GNAL: variants seen among roughly 807,000 people sequenced by gnomAD.
The protein encoded by GNAL is G protein subunit alpha L.
GNAL carries 18 observed loss-of-function variants against 55.1 expected under a neutral mutation model. The ratio of observed to expected loss-of-function variants is 0.33; its 90% CI spans 0.23 to 0.48. The LOEUF (loss-of-function observed/expected upper bound fraction) is 0.48. GNAL is among the 20% of genes least tolerant of loss of function. The pLI, the probability that GNAL is intolerant of heterozygous loss-of-function variation, is 0.99. For missense variants in GNAL, 412 were observed against 614.1 expected (o/e 0.67, Z 3.48); for synonymous variants, 253 against 237.0 (o/e 1.07, Z -0.62).
chr18:11,840,704 G>T (rs1320041831), intron 5 of GNAL, among the ~76,000 whole-genome samples: 1 of 152,142 alleles, frequency 6.6e-6, no homozygotes, highest in African/African-American at 2.4e-5. Flanking sequence ...AGACCTGGTG[G>T]ACGTATTCGG....
chr18:11,725,159 T>C (rs1474073635), intron 1 of GNAL, among the ~76,000 whole-genome samples: 1 of 152,136 alleles, frequency 6.6e-6, no homozygotes, highest in Non-Finnish European at 1.5e-5. Context: ...CAAAATCATA[T>C]ATTGAAGTCC....
intron 2 of GNAL, chr18:11,753,415 G>A (rs2032928942): frequency 3.9e-6 from 2 of 510,424 alleles, no homozygotes; most frequent in African/African-American, 3.9e-5. Context: ...TTAAAAAAAT[G>A]TGTGCATTCA....
At chr18:11,830,502 C>G (rs1362388385) in intron 5 of GNAL, among the ~76,000 whole-genome samples, 1 of 152,050 alleles carries the variant, frequency 6.6e-6, no homozygotes, top group Admixed American at 6.5e-5. Context: ...TCATGGGAGT[C>G]TTTTGGGCTT....
At chr18:11,749,862 G>A (rs60590666) in intron 1 of GNAL, among the ~76,000 whole-genome samples, 9,268 of 152,252 alleles carry the variant, frequency 0.061, 408 homozygotes, top group African/African-American at 0.12. Context: ...TTCAGGAACT[G>A]AGAGTGTTAG....
intron 11 of GNAL, among the ~76,000 whole-genome samples, chr18:11,880,532 A>C (rs1162016774): frequency 3.3e-5 from 5 of 152,284 alleles, no homozygotes; most frequent in Admixed American, 3.3e-4. Context: ...CCAAGACTGC[A>C]CCACTGCACT....
At chr18:11,817,005 T>C (rs2034975041) in intron 4 of GNAL, among the ~76,000 whole-genome samples, 1 of 152,092 alleles carries the variant, frequency 6.6e-6, no homozygotes, top group African/African-American at 2.4e-5. Flanking sequence ...GTGGCACGGC[T>C]TGGCTCCAAA....
Position 11,689,949 on chromosome 18 carries a change from G to C in GNAL, c.376+10G>C. 9 of 1,285,072 alleles carry C rather than the reference G, an allele frequency of 7.0e-6. No individual in the cohort carries two copies. Among genetic ancestry groups the C allele is most frequent in the Non-Finnish European group, 8.9e-6 (9 of 1,012,304 alleles). 79.6% of individuals were successfully genotyped at this position (1,285,072 alleles called of 1,614,324 possible). On this transcript the variant is annotated intron_variant, in intron 1 of 11. Coordinates refer to ENST00000334049, the MANE Select transcript of GNAL (RefSeq NM_182978.4). Reference sequence around the variant, plus strand: ...CGGCTCCTGCTGCTCGGTAGGTCCCGGCCGCGAGGTCGGCTGACGCCCCGG... The same window carrying C: ...CGGCTCCTGCTGCTCGGTAGGTCCCCGCCGCGAGGTCGGCTGACGCCCCGG...
intron 1 of GNAL, among the ~76,000 whole-genome samples, chr18:11,735,541 A>G (rs2032441747): frequency 6.6e-6 from 1 of 151,994 alleles, no homozygotes; most frequent in Admixed American, 6.6e-5. Context: ...ACTTGAGCCC[A>G]GGAGTTCGAG....
Position 11,827,778 on chromosome 18 carries a change from T to C in GNAL, c.722+2763T>C, listed in dbSNP as rs540020681. The stretch of plus-strand genomic sequence containing the variant: ...CGAGGTCAGGAGATCGAGACCATCC[T>C]GGCTAACACAGTGAAACCCCGTCTC... On this transcript the variant is annotated intron_variant, in intron 5 of 11. Coordinates refer to ENST00000334049, the MANE Select transcript of GNAL (RefSeq NM_182978.4). 1.1e-3 allele frequency among the ~76,000 whole-genome samples: 169 copies of C among 152,180 alleles called. 2 individuals are homozygous for C. Among genetic ancestry groups the C allele is most frequent in the Non-Finnish European group, 2.0e-3 (139 of 68,002 alleles).
chr18:11,883,544 T>A lies in GNAL; in HGVS notation c.*2409T>A, dbSNP rs1489227685. ...GCCATATCCCATTCCACTTTTTAAGTTTCTTTTGATCACTGACAGGCATTA... is the reference window on the plus strand; with the variant it reads ...GCCATATCCCATTCCACTTTTTAAGATTCTTTTGATCACTGACAGGCATTA... On this transcript the variant is annotated 3_prime_UTR_variant, in exon 12 of 12. Coordinates refer to ENST00000334049, the MANE Select transcript of GNAL (RefSeq NM_182978.4). 1 of 153,668 alleles carries A rather than the reference T, an allele frequency of 6.5e-6. No individual in the cohort carries two copies. Among genetic ancestry groups the A allele is most frequent in the Admixed American group, 6.5e-5 (1 of 15,286 alleles). 9.5% of individuals were successfully genotyped at this position (153,668 alleles called of 1,614,324 possible). A position where few individuals can be genotyped will look rare whatever the true frequency, so the allele number is the denominator to read the frequency against.
chr18:11,872,847 G>C (rs1904995878), intron 10 of GNAL, among the ~76,000 whole-genome samples: 1 of 152,232 alleles, frequency 6.6e-6, no homozygotes, highest in Non-Finnish European at 1.5e-5. Context: ...CACACGGGTA[G>C]AGTCATGCAG....
At chr18:11,746,244 A>G in intron 1 of GNAL, 1 of 473,010 alleles carries the variant, frequency 2.1e-6, no homozygotes, top group Non-Finnish European at 4.2e-6. Context: ...AACAATGTGG[A>G]GAAGCTCTTC....
At chr18:11,788,912 A>ATATATATATATAT (rs1485147640) in intron 4 of GNAL, among the ~76,000 whole-genome samples, 3 of 68,746 alleles carry the variant, frequency 4.4e-5, no homozygotes, top group Non-Finnish European at 7.6e-5. Flanking sequence ...AAAAAAAAAA[A>ATATATATATATAT]AAATATATAT....
At chr18:11,736,292 G>A (rs1227798647) in intron 1 of GNAL, among the ~76,000 whole-genome samples, 1 of 152,128 alleles carries the variant, frequency 6.6e-6, no homozygotes, top group Non-Finnish European at 1.5e-5. Context: ...CTACTCAGGA[G>A]GCCAAGGCGG....
intron 4 of GNAL, among the ~76,000 whole-genome samples, chr18:11,778,675 G>A (rs1184041464): frequency 6.6e-6 from 1 of 151,980 alleles, no homozygotes; most frequent in African/African-American, 2.4e-5. Flanking sequence ...GGTGTTATGG[G>A]GTCAGTGTGG....
chr18:11,807,360 T>A (rs2034692330), intron 4 of GNAL, among the ~76,000 whole-genome samples: 1 of 152,070 alleles, frequency 6.6e-6, no homozygotes, highest in South Asian at 2.1e-4. Context: ...ACAGACCAGA[T>A]AGGAGGCTGT....
At position 11,717,284 on chromosome 18, in the gene GNAL, T is replaced by C. The variant is rs542061255; in HGVS notation, c.376+27345T>C. ...CCCGGCACCTCTCCCTCCCCGCCTC[T>C]CCCTCCACACCTCCCCGCAAGCTGA... On this transcript the variant is annotated intron_variant, in intron 1 of 11. Coordinates refer to ENST00000334049, the MANE Select transcript of GNAL (RefSeq NM_182978.4). Among the ~76,000 whole-genome samples, 20 of 152,198 alleles carry C rather than the reference T, an allele frequency of 1.3e-4. No individual in the cohort carries two copies. In the South Asian group the frequency reaches 2.1e-3, roughly 16 times the overall value.
intron 1 of GNAL, among the ~76,000 whole-genome samples, chr18:11,704,268 C>A (rs2031652244): frequency 6.6e-6 from 1 of 152,162 alleles, no homozygotes; most frequent in Admixed American, 6.5e-5. Context: ...TGGATTATAC[C>A]CTAGGACACA....
intron 4 of GNAL, among the ~76,000 whole-genome samples, chr18:11,807,812 AAG>A (rs1311481355): frequency 6.6e-6 from 1 of 152,142 alleles, no homozygotes; most frequent in Non-Finnish European, 1.5e-5. Flanking sequence ...AGGCTGTGGG[AAG>A]AGAGGGAGCC....
Sources: allele counts gnomAD v4.1 joint callset (sites outside exome capture counted in the v4.1 genomes callset), GRCh38; gene constraint gnomAD v4.1.1; transcripts MANE v1.5; gene names NCBI Gene and HGNC (gene_info 2026-07-23, HGNC 2026-07-21).